The following ACTA2 variants were observed in gnomAD, a reference collection of about 807,000 sequenced individuals.
The protein encoded by ACTA2 is actin alpha 2, smooth muscle, also known as actin, aortic smooth muscle.
Under a neutral mutation model 39.5 loss-of-function variants are expected in ACTA2, and 12 were observed. The ratio of observed to expected loss-of-function variants is 0.30; its 90% CI spans 0.19 to 0.49. ACTA2 has a LOEUF of 0.49. Ranked by LOEUF, ACTA2 falls within the 20% of genes least tolerant of loss-of-function variation. ACTA2 has a pLI of 0.99. For missense variants in ACTA2, 236 were observed against 498.8 expected (o/e 0.47, Z 5.02); for synonymous variants, 158 against 180.6 (o/e 0.88, Z 1.00).
chr10:88,940,796 C>CTAT, intron 6 of ACTA2: 1 of 297,140 alleles, frequency 3.4e-6, no homozygotes, highest in South Asian at 3.4e-5. Flanking sequence ...GATATAGGGT[C>CTAT]TATTATTATC....
chr10:88,990,613 C>T lies in ACTA2; in HGVS notation c.-24+326G>A. ...TCCCCAGCGAGGCTTCCTTCCCATC[C>T]TCCTGACCACCGGGGCTTTTCGTGA... is the stretch of plus-strand genomic sequence containing the variant. On this transcript the variant is annotated intron_variant, in intron 1 of 4. Transcript: ENST00000415557. The surrounding 1 kb of genome is among the most constrained non-coding windows in gnomAD (Gnocchi z 4.9). 1.5e-6 allele frequency: 1 copy of T among 685,182 alleles called. No individual in the cohort carries two copies. Among genetic ancestry groups the T allele is most frequent in the South Asian group, 1.5e-5 (1 of 66,520 alleles). The allele number at this position is 685,182 out of a possible 1,614,324, so 42.4% of individuals were successfully genotyped here.
intron 1 of ACTA2, among the ~76,000 whole-genome samples, chr10:88,978,803 A>G (rs1375884899): frequency 6.6e-6 from 1 of 152,194 alleles, no homozygotes. Flanking sequence ...GTCTAATGGT[A>G]ATTTCTCCAA....
chr10:88,935,237 G>A lies in ACTA2; in HGVS notation c.1120C>T (p.Arg374Cys), dbSNP rs757166963. Reference sequence around the variant, plus strand: ...AGGAAAGTGTTTTAGAAGCATTTGCGGTGGACAATGGAAGGCCCGGCTTCA... The same window carrying A: ...AGGAAAGTGTTTTAGAAGCATTTGCAGTGGACAATGGAAGGCCCGGCTTCA... ...YDEAGPSIVH[R>C]KCF The change falls in exon 9 of 9, where the codon CGC (arginine) becomes TGC (cysteine). Residue 374 changes from arginine to cysteine, a missense_variant. Transcript: ENST00000224784. 14 of 1,613,340 alleles carry A rather than the reference G, an allele frequency of 8.7e-6. No homozygotes were observed. Among genetic ancestry groups the A allele is most frequent in the South Asian group, 4.4e-5 (4 of 91,062 alleles).
rs1336742597 is a variant in ACTA2 at position 88,990,680 on chromosome 10, A to G, written c.-24+259T>C. 2.8e-6 allele frequency: 2 copies of G among 710,772 alleles called. No homozygotes were observed. Among genetic ancestry groups the G allele is most frequent in the Non-Finnish European group, 5.1e-6 (2 of 393,598 alleles). 44.0% of individuals were successfully genotyped at this position (710,772 alleles called of 1,614,324 possible). On this transcript the variant is annotated intron_variant, in intron 1 of 4. Coordinates refer to the ACTA2 transcript ENST00000415557. The surrounding 1 kb of genome is among the most constrained non-coding windows in gnomAD (Gnocchi z 4.9). ...GCGCAAGAGTGACACACAGGTGTTC[A>G]AAGACGCTTCTGGGGAGTGAGGGAA...
chr10:88,948,538 T>C (rs1834115765), intron 2 of ACTA2: 1 of 427,348 alleles, frequency 2.3e-6, no homozygotes, highest in Non-Finnish European at 4.4e-6. Flanking sequence ...GATTTGATGA[T>C]GATGATGATG....
intron 1 of ACTA2, among the ~76,000 whole-genome samples, chr10:88,950,565 T>C (rs1368652841): frequency 6.6e-6 from 1 of 152,208 alleles, no homozygotes; most frequent in Non-Finnish European, 1.5e-5. Context: ...AGGCATGTAA[T>C]ATTATCTTCA....
rs1247221523 is a variant in ACTA2 at position 88,948,784 on chromosome 10, A to G, written c.129+18T>C. ...CCTAATCTGTGTCCTGTTATGTTCC[A>G]ATCATAATTTTCCTCACCTGATGTC... On this transcript the variant is annotated intron_variant, in intron 2 of 8. Coordinates refer to ENST00000224784, the MANE Select transcript of ACTA2 (RefSeq NM_001613.4). 1.9e-6 allele frequency: 3 copies of G among 1,613,782 alleles called. No individual in the cohort carries two copies. The highest frequency in any genetic ancestry group is 2.2e-5 in the South Asian group (2 of 91,078).
chr10:88,988,459 G>GT lies in ACTA2; in HGVS notation c.-24+2479dup, dbSNP rs200316645. ...TTTGTTTTTTATCTTAACTCTTCCT[G>GT]TTTTTTTACATAGTCAAGATTCTTG... On this transcript the variant is annotated intron_variant, in intron 1 of 4. Coordinates refer to the ACTA2 transcript ENST00000415557. Among the ~76,000 whole-genome samples, 110 of 89,450 alleles carry GT rather than the reference G, an allele frequency of 1.2e-3. 1 individual carries two copies. The East Asian group carries it at 0.038, about 31-fold the overall frequency. The allele number at this position is 89,450 out of a possible 152,430, so 58.7% of individuals were successfully genotyped here.
intron 7 of ACTA2, chr10:88,938,495 TA>T: frequency 2.1e-6 from 1 of 486,424 alleles, no homozygotes; most frequent in African/African-American, 2.0e-5. Context: ...GATTTTTTAA[TA>T]GACTCACTAC....
At chr10:88,978,334 G>T (rs61852571) in intron 1 of ACTA2, among the ~76,000 whole-genome samples, 12,346 of 150,074 alleles carry the variant, frequency 0.082, 650 homozygotes, top group Non-Finnish European at 0.12. Context: ...CACCAGCATG[G>T]CACATGTATA....
chr10:88,940,779 A>G (rs1301454915), intron 6 of ACTA2: 7 of 255,644 alleles, frequency 2.7e-5, no homozygotes, highest in African/African-American at 1.1e-4. Context: ...ACTGATAACA[A>G]TCATGTGATA....
intron 1 of ACTA2, among the ~76,000 whole-genome samples, chr10:88,970,017 A>G (rs1388813230): frequency 6.6e-6 from 1 of 152,254 alleles, no homozygotes; most frequent in African/African-American, 2.4e-5. Flanking sequence ...GGCAGACGTC[A>G]GATGTAACCA....
At chr10:88,957,985 C>T (rs1218552986) in intron 1 of ACTA2, among the ~76,000 whole-genome samples, 1 of 152,110 alleles carries the variant, frequency 6.6e-6, no homozygotes, top group Non-Finnish European at 1.5e-5. Context: ...CCAGGCTGAT[C>T]TCGAACTCCT....
intron 1 of ACTA2, among the ~76,000 whole-genome samples, chr10:88,963,071 A>T (rs1204255864): frequency 6.6e-6 from 1 of 150,420 alleles, no homozygotes; most frequent in East Asian, 2.0e-4. Context: ...CTGTCACGAG[A>T]ACAGCACAGA....
intron 1 of ACTA2, among the ~76,000 whole-genome samples, chr10:88,960,130 C>T (rs1286871416): frequency 6.6e-6 from 1 of 152,128 alleles, no homozygotes. Flanking sequence ...TTACTAAGTA[C>T]AGCACACACT....
intron 1 of ACTA2, chr10:88,989,403 G>T (rs529031667): frequency 2.3e-6 from 1 of 426,564 alleles, no homozygotes; most frequent in Non-Finnish European, 4.7e-6. Flanking sequence ...CAAAAAATTT[G>T]CAGAGATAAT....
chr10:88,943,774 G>C, intron 4 of ACTA2, 23 bp downstream of exon 4: 1 of 1,581,112 alleles, frequency 6.3e-7, no homozygotes, highest in Non-Finnish European at 8.7e-7. Flanking sequence ...CCACAGTGTT[G>C]TGTGCTGGGG....
intron 1 of ACTA2, among the ~76,000 whole-genome samples, chr10:88,978,493 T>G (rs1474156439): frequency 3.9e-5 from 6 of 152,222 alleles, no homozygotes; most frequent in Non-Finnish European, 2.9e-5. Context: ...TAACTGTGAA[T>G]ACATTTGTTG....
intron 3 of ACTA2, among the ~76,000 whole-genome samples, chr10:88,944,248 C>A (rs773885529): frequency 1.9e-4 from 29 of 152,082 alleles, no homozygotes; most frequent in Non-Finnish European, 3.5e-4. Context: ...AGTTTTTAAC[C>A]CTTCTCAGCT....
Sources: allele counts gnomAD v4.1 joint callset (sites outside exome capture counted in the v4.1 genomes callset), GRCh38; gene constraint gnomAD v4.1.1; non-coding constraint Gnocchi (gnomAD v3.1); transcripts MANE v1.5; gene names NCBI Gene and HGNC (gene_info 2026-07-23, HGNC 2026-07-21).